TJP1: variants seen among roughly 807,000 people sequenced by gnomAD.
TJP1 encodes tight junction protein 1.
TJP1 carries 43 observed loss-of-function variants against 194.2 expected under a neutral mutation model. The observed-to-expected ratio is 0.22, with a 90% CI of 0.17 to 0.29. The LOEUF is 0.29. Among genes scored for constraint, TJP1 ranks in the 10% least tolerant of loss-of-function variants. The pLI is 1.00. For missense variants in TJP1, 1,971 were observed against 2,185.7 expected (o/e 0.90, Z 1.96); for synonymous variants, 801 against 779.0 (o/e 1.03, Z -0.47).
intron 4 of TJP1, among the ~76,000 whole-genome samples, chr15:29,771,448 A>G (rs890235666): frequency 1.3e-5 from 2 of 152,186 alleles, no homozygotes; most frequent in African/African-American, 4.8e-5. Context: ...TTGTTGACCA[A>G]AACATTGTCA....
chr15:29,743,245 C>G (rs1447324764), intron 8 of TJP1, among the ~76,000 whole-genome samples: 2 of 152,034 alleles, frequency 1.3e-5, no homozygotes, highest in Admixed American at 1.3e-4. Flanking sequence ...AGTATATCAA[C>G]AAAAGTGATT....
chr15:29,920,691 A>T (rs1010920199), intron 2 of TJP1, among the ~76,000 whole-genome samples: 9 of 152,162 alleles, frequency 5.9e-5, no homozygotes, highest in African/African-American at 2.2e-4. Flanking sequence ...GCATGCCCAC[A>T]GAGGAAGCTG....
chr15:29,828,937 G>C (rs1047993334), intron 2 of TJP1, among the ~76,000 whole-genome samples: 2 of 152,164 alleles, frequency 1.3e-5, no homozygotes, highest in East Asian at 3.9e-4. Context: ...ATTTTTAGTA[G>C]AGACGGGGTT....
chr15:29,742,620 C>T, intron 9 of TJP1, 22 bp downstream of exon 9: 1 of 1,538,194 alleles, frequency 6.5e-7, no homozygotes, highest in Non-Finnish European at 8.7e-7. Context: ...GTTTCTTGAA[C>T]TTAGTGTTTC....
At position 29,704,202 on chromosome 15, in the gene TJP1, G is replaced by A. The variant is rs755047396; in HGVS notation, c.5172C>T (p.Asp1724=). ...ATGATTTTAGAGCAAAAGACCAACC[G>A]TCAGGAGTCATGGACGCACAGTGTG... ...RLPHCASMTP[D]GWSFALKSSD... The change falls in exon 27 of 28, where the codon GAC becomes GAT. Residue 1724 remains aspartate, a synonymous_variant. Coordinates refer to ENST00000614355, the MANE Select transcript of TJP1 (RefSeq NM_001330239.4). 4 of 1,580,540 alleles carry A rather than the reference G, an allele frequency of 2.5e-6. No individual in the cohort carries two copies. Among genetic ancestry groups the A allele is most frequent in the Middle Eastern group, 1.7e-4 (1 of 6,022 alleles).
At chr15:29,768,613 G>A (rs2046462808) in intron 4 of TJP1, among the ~76,000 whole-genome samples, 1 of 152,010 alleles carries the variant, frequency 6.6e-6, no homozygotes, top group African/African-American at 2.4e-5. Context: ...TACCTATCCA[G>A]CCCACTAAGA....
intron 2 of TJP1, among the ~76,000 whole-genome samples, chr15:29,859,272 C>T (rs1411432652): frequency 6.6e-6 from 1 of 152,150 alleles, no homozygotes; most frequent in Non-Finnish European, 1.5e-5. Flanking sequence ...ACTGATGAGA[C>T]ACTATGGTAG....
At chr15:29,955,454 T>C (rs1403980696) in intron 2 of TJP1, among the ~76,000 whole-genome samples, 1 of 151,954 alleles carries the variant, frequency 6.6e-6, no homozygotes, top group Non-Finnish European at 1.5e-5. Flanking sequence ...ATTTACCACA[T>C]TTCCATATGA....
intron 2 of TJP1, among the ~76,000 whole-genome samples, chr15:29,949,568 TC>T (rs2055514793): frequency 3.1e-5 from 1 of 32,474 alleles, no homozygotes; most frequent in African/African-American, 1.2e-4. Flanking sequence ...CACCTCCACT[TC>T]CACAACCACC....
intron 2 of TJP1, among the ~76,000 whole-genome samples, chr15:29,791,845 T>C (rs1263898011): frequency 6.6e-6 from 1 of 152,184 alleles, no homozygotes; most frequent in Non-Finnish European, 1.5e-5. Context: ...CATTATACTT[T>C]CGATTAGTAT....
At chr15:29,758,994 A>T (rs915755611) in intron 8 of TJP1, 1 of 152,248 alleles carries the variant, frequency 6.6e-6, no homozygotes, top group Admixed American at 6.5e-5. Context: ...CATAGCTCTT[A>T]CAAGTTATCC....
chr15:29,739,768 AG>A (rs2044274506), intron 10 of TJP1, among the ~76,000 whole-genome samples: 2 of 152,070 alleles, frequency 1.3e-5, no homozygotes, highest in South Asian at 4.2e-4. Context: ...TTATCATTAC[AG>A]TTTCCTAAAC....
intron 5 of TJP1, 110 bp downstream of exon 5, chr15:29,766,155 CA>C: frequency 7.0e-7 from 1 of 1,419,356 alleles, no homozygotes; most frequent in Non-Finnish European, 9.5e-7. Flanking sequence ...TGATAGAACA[CA>C]AACACAAAGA....
chr15:29,884,307 C>T (rs949328800), intron 2 of TJP1, among the ~76,000 whole-genome samples: 12 of 152,172 alleles, frequency 7.9e-5, no homozygotes, highest in Non-Finnish European at 2.9e-5. Context: ...TGTATCAGGA[C>T]CATCTTGGGG....
At chr15:29,705,777 T>C (rs2041859758) in intron 25 of TJP1, 32 bp from the exon 26 acceptor site, 1 of 1,592,524 alleles carries the variant, frequency 6.3e-7, no homozygotes, top group African/African-American at 1.3e-5. Context: ...GTGAGTGAAT[T>C]CCTAATAATA....
intron 2 of TJP1, among the ~76,000 whole-genome samples, chr15:29,948,901 TCTA>T (rs1423902867): frequency 2.6e-5 from 4 of 151,740 alleles, no homozygotes; most frequent in Non-Finnish European, 5.9e-5. Flanking sequence ...TACCTCCACA[TCTA>T]CTACTAATAA....
Position 29,814,689 on chromosome 15 carries a change from C to G in TJP1, c.27+7313G>C, listed in dbSNP as rs562204794. 3.3e-3 allele frequency among the ~76,000 whole-genome samples: 500 copies of G among 152,144 alleles called. 1 individual carries two copies. The highest frequency in any genetic ancestry group is 0.011 in the African/African-American group (477 of 41,492). On this transcript the variant is annotated intron_variant, in intron 1 of 27. Transcript: ENST00000614355. ...AAAAAAATTAATTAAACCAGGTATA[C>G]GCTAATCTTATGTTCCTAATTAGAA...
chr15:29,720,778 G>T, intron 18 of TJP1, 70 bp from the exon 19 acceptor site: 2 of 1,216,204 alleles, frequency 1.6e-6, no homozygotes, highest in South Asian at 1.5e-5. Context: ...TATCGTACAA[G>T]GCAGATTGAA....
chr15:29,742,542 G>T, intron 9 of TJP1, 100 bp downstream of exon 9: 1 of 1,331,698 alleles, frequency 7.5e-7, no homozygotes, highest in Non-Finnish European at 9.9e-7. Flanking sequence ...TCACACATGA[G>T]AAGAATAATA....
Sources: gnomAD v4.1 joint callset for allele counts (sites outside exome capture counted in the v4.1 genomes callset) on GRCh38, gnomAD v4.1.1 for gene constraint, MANE v1.5 for transcripts, NCBI Gene and HGNC (gene_info 2026-07-23, HGNC 2026-07-21) for gene names.